GLB1: variants seen among roughly 807,000 people sequenced by gnomAD.
The protein encoded by GLB1 is galactosidase beta 1, also known as beta-galactosidase.
GLB1 carries 56 observed loss-of-function variants against 74.0 expected under a neutral mutation model. That is an observed-to-expected ratio of 0.76 (90% CI 0.61 to 0.94). The LOEUF (loss-of-function observed/expected upper bound fraction) is 0.94. GLB1 is among the 40% of genes least tolerant of loss of function. The probability of loss-of-function intolerance (pLI) is 0.00; values close to 1 mark genes in which losing one functional copy is unlikely to be tolerated. For missense variants in GLB1, 787 were observed against 845.5 expected (o/e 0.93, Z 0.86); for synonymous variants, 323 against 323.6 (o/e 1.00, Z 0.02).
At chr3:33,096,512 C>G in intron 1 of GLB1, 1 of 985,136 alleles carries the variant, frequency 1.0e-6, no homozygotes, top group Non-Finnish European at 1.2e-6. Context: ...ACAAGATGCA[C>G]GAAGAGGGAG....
At chr3:33,059,294 G>A (rs2125534931) in intron 5 of GLB1, among the ~76,000 whole-genome samples, 1 of 136,410 alleles carries the variant, frequency 7.3e-6, no homozygotes, top group South Asian at 2.3e-4. Context: ...CACACACAGA[G>A]CAAATAAACC....
At chr3:33,055,679 G>A (rs1699185757) in intron 6 of GLB1, among the ~76,000 whole-genome samples, 4 of 151,276 alleles carry the variant, frequency 2.6e-5, no homozygotes, top group Middle Eastern at 3.2e-3. Flanking sequence ...ATGTTGGCCA[G>A]GCTGGTCTCA....
At chr3:33,069,125 C>T (rs1165220830) in intron 2 of GLB1, among the ~76,000 whole-genome samples, 155 bp from the exon 3 acceptor site, 1 of 152,048 alleles carries the variant, frequency 6.6e-6, no homozygotes, top group Non-Finnish European at 1.5e-5. Context: ...CACAGTGGCT[C>T]AGGCCTCTAA....
the GLB1 span, among the ~76,000 whole-genome samples, chr3:32,984,985 G>A: frequency 2.4e-4 from 36 of 149,974 alleles, no homozygotes; most frequent in African/African-American, 8.8e-4. Context: ...TGCATCTGTG[G>A]TCCCAGCTAT....
chr3:33,051,045 G>A (rs1430563852), intron 9 of GLB1, among the ~76,000 whole-genome samples: 6 of 151,678 alleles, frequency 4.0e-5, no homozygotes, highest in African/African-American at 7.3e-5. Context: ...TGGCTAACAC[G>A]GTGAAACCCC....
In GLB1 at chr3:33,027,935, C is replaced by CT. The variant is rs371321242; in HGVS notation, c.1069-3611dup. ...TTTTATTATTTTGTTTTGAGATAGG[C>CT]TGTTGCCCAGGCTGAAGTACAGTGG... On this transcript the variant is annotated intron_variant, in intron 10 of 15. Transcript: ENST00000307363. Among the ~76,000 whole-genome samples the CT allele has an allele frequency of 4.4e-3, 677 of 152,248 alleles. 8 individuals are homozygous for CT. Among genetic ancestry groups the CT allele is most frequent in the African/African-American group, 0.015 (639 of 41,556 alleles).
chr3:32,984,031 A>G, the GLB1 span, among the ~76,000 whole-genome samples: 1 of 152,174 alleles, frequency 6.6e-6, no homozygotes, highest in Non-Finnish European at 1.5e-5. Context: ...TAGGATAAAT[A>G]TACCCTTATT....
At position 33,093,834 on chromosome 3, in the gene GLB1, C is replaced by A; in HGVS notation, c.75+3177G>T. On this transcript the variant is annotated intron_variant, in intron 1 of 15. Transcript: ENST00000307363. This position sits in a 1 kb window ranked among gnomAD's most constrained non-coding sequence, Gnocchi z 6.0. ...GAGCATGATGATGTAAGCACCCAGG[C>A]AGGAGTAGGCCGCCAAGGAAAAGAG... 1.9e-6 allele frequency: 3 copies of A among 1,613,534 alleles called. No homozygotes were observed. Among genetic ancestry groups the A allele is most frequent in the Non-Finnish European group, 2.5e-6 (3 of 1,179,714 alleles).
intron 1 of GLB1, chr3:33,077,374 G>T: frequency 7.6e-7 from 1 of 1,316,900 alleles, no homozygotes; most frequent in South Asian, 1.2e-5. Flanking sequence ...CAATGAGACA[G>T]ATCAGATTCC....
intron 1 of GLB1, chr3:33,094,100 T>C (rs61749982): frequency 0.037 from 59,109 of 1,614,248 alleles, 1,237 homozygotes; most frequent in Non-Finnish European, 0.043. Context: ...CAAGGCTCTC[T>C]GCCAGATACG....
chr3:33,088,080 C>T (rs1700600291), intron 1 of GLB1, among the ~76,000 whole-genome samples: 1 of 151,958 alleles, frequency 6.6e-6, no homozygotes, highest in African/African-American at 2.4e-5. Context: ...AAAAAACCAA[C>T]AACTCAACAA....
chr3:33,013,433 C>T (rs1697107526), intron 15 of GLB1, among the ~76,000 whole-genome samples: 1 of 152,088 alleles, frequency 6.6e-6, no homozygotes, highest in Non-Finnish European at 1.5e-5. Flanking sequence ...GCCTGGCACA[C>T]ACCTTGGGCA....
intron 10 of GLB1, 70 bp from the exon 11 acceptor site, chr3:33,024,395 A>T: frequency 6.7e-7 from 1 of 1,499,884 alleles, no homozygotes; most frequent in Non-Finnish European, 9.0e-7. Context: ...TATTCATAAA[A>T]TTTATTATTT....
intron 1 of GLB1, chr3:33,096,547 A>G (rs1701037044): frequency 3.1e-6 from 3 of 982,558 alleles, no homozygotes; most frequent in South Asian, 4.7e-5. Context: ...AAATAACCCA[A>G]TGTTCCCACT....
intron 10 of GLB1, among the ~76,000 whole-genome samples, chr3:33,043,278 G>C (rs1258148864): frequency 6.6e-6 from 1 of 152,192 alleles, no homozygotes; most frequent in Non-Finnish European, 1.5e-5. Flanking sequence ...CTCAGGAATG[G>C]GTATGTGTGT....
chr3:33,054,795 C>CA (rs2125527524), intron 6 of GLB1, among the ~76,000 whole-genome samples: 1 of 152,110 alleles, frequency 6.6e-6, no homozygotes, highest in Non-Finnish European at 1.5e-5. Flanking sequence ...TCCTCTAAAA[C>CA]AAAAAAGAAT....
rs955504021 is a variant in GLB1, at chr3:33,049,214, A to G, written c.955+2544T>C. 3.3e-5 allele frequency among the ~76,000 whole-genome samples: 5 copies of G among 152,210 alleles called. No individual in the cohort carries two copies. The East Asian group carries it at 9.6e-4, about 29-fold the overall frequency. Reference sequence around the variant, plus strand: ...CATCTACTAAGTGAAAAAGGCACCCACCAGGTCTCAACTGTTTCTCATAAG... The same window carrying G: ...CATCTACTAAGTGAAAAAGGCACCCGCCAGGTCTCAACTGTTTCTCATAAG... On this transcript the variant is annotated intron_variant, in intron 9 of 15. Transcript: ENST00000307363.
At chr3:32,984,509 G>A in the GLB1 span, among the ~76,000 whole-genome samples, 3 of 152,176 alleles carry the variant, frequency 2.0e-5, no homozygotes, top group African/African-American at 7.2e-5. Context: ...TGGTTGTGGT[G>A]GGTCATGCCT....
intron 10 of GLB1, chr3:33,045,629 A>G: frequency 6.1e-6 from 6 of 990,970 alleles, no homozygotes; most frequent in African/African-American, 1.7e-5. Flanking sequence ...ACCAGAGCTT[A>G]GCTTTACCTC....
Sources: gnomAD v4.1 joint callset for allele counts (sites outside exome capture counted in the v4.1 genomes callset) on GRCh38, gnomAD v4.1.1 for gene constraint, Gnocchi (gnomAD v3.1) non-coding constraint, MANE v1.5 for transcripts, NCBI Gene and HGNC (gene_info 2026-07-23, HGNC 2026-07-21) for gene names.